ISM1: variants seen among roughly 807,000 people sequenced by gnomAD.
The protein encoded by ISM1 is isthmin 1.
ISM1 carries 25 observed loss-of-function variants against 46.3 expected under a neutral mutation model. That is an observed-to-expected ratio of 0.54 (90% CI 0.39 to 0.75). The LOEUF is 0.75. Ranked by LOEUF, ISM1 falls within the 30% of genes least tolerant of loss-of-function variation. The pLI is 0.00. For synonymous variants in ISM1, 255 were observed against 256.7 expected (o/e 0.99, Z 0.06); for missense variants, 536 against 625.4 (o/e 0.86, Z 1.52).
intron 1 of ISM1, chr20:13,237,950 G>C (rs2123155210): frequency 6.6e-6 from 1 of 152,280 alleles, no homozygotes; most frequent in Non-Finnish European, 1.5e-5. Flanking sequence ...AAGACCAACT[G>C]CTGGCTGAGA....
chr20:13,326,193 A>G, the ISM1 span, among the ~76,000 whole-genome samples: 1 of 152,124 alleles, frequency 6.6e-6, no homozygotes, highest in East Asian at 1.9e-4. Context: ...GATGCACCAG[A>G]GCTTGTTTAT....
intron 1 of ISM1, among the ~76,000 whole-genome samples, chr20:13,230,176 A>G (rs1040846512): frequency 3.3e-5 from 5 of 152,204 alleles, no homozygotes; most frequent in African/African-American, 1.2e-4. Context: ...AATAATCTCA[A>G]TAACATTTTC....
At chr20:13,260,683 A>T (rs1214352850) in intron 1 of ISM1, among the ~76,000 whole-genome samples, 1 of 152,064 alleles carries the variant, frequency 6.6e-6, no homozygotes, top group African/African-American at 2.4e-5. Context: ...AGGAAGTCAG[A>T]GCTGAATAGA....
chr20:13,253,291 G>A (rs1386005123), intron 1 of ISM1, among the ~76,000 whole-genome samples: 1 of 152,204 alleles, frequency 6.6e-6, no homozygotes, highest in Admixed American at 6.5e-5. Context: ...CCCAGAGGGT[G>A]AGGAGCTCTG....
chr20:13,279,128 T>C (rs1243345361), intron 2 of ISM1, among the ~76,000 whole-genome samples: 1 of 152,196 alleles, frequency 6.6e-6, no homozygotes, highest in Non-Finnish European at 1.5e-5. Context: ...GGGAGGTCTT[T>C]ACAAGAGTTA....
rs74768085 is a variant in ISM1, at chr20:13,237,204, T to C, written c.138+15290T>C. The stretch of plus-strand genomic sequence containing the variant: ...GATTTGAATGGGGACACAGCCAACA[T>C]ATCAACATGCCCTTGGCCCAGCAAT... On this transcript the variant is annotated intron_variant, in intron 1 of 5. Coordinates refer to ENST00000262487, the MANE Select transcript of ISM1 (RefSeq NM_080826.2). Among the ~76,000 whole-genome samples the C allele has an allele frequency of 6.7e-3, 1,026 of 152,298 alleles. 11 individuals are homozygous for C. Among genetic ancestry groups the C allele is most frequent in the African/African-American group, 0.023 (973 of 41,550 alleles).
chr20:13,325,221 A>G, the ISM1 span, among the ~76,000 whole-genome samples: 1 of 152,198 alleles, frequency 6.6e-6, no homozygotes, highest in African/African-American at 2.4e-5. Context: ...CGCATGTGGT[A>G]TCACAACTGA....
At chr20:13,325,445 G>T in the ISM1 span, among the ~76,000 whole-genome samples, 1 of 152,168 alleles carries the variant, frequency 6.6e-6, no homozygotes, top group Non-Finnish European at 1.5e-5. Flanking sequence ...CACACAGGCA[G>T]AAGAGAGTTG....
At chr20:13,293,207 CAAA>C (rs397865981) in intron 5 of ISM1, among the ~76,000 whole-genome samples, 7 of 87,442 alleles carry the variant, frequency 8.0e-5, no homozygotes, top group Admixed American at 2.6e-4. Flanking sequence ...GACTCCGTCT[CAAA>C]AAAAAAAAAA....
At chr20:13,238,267 G>C (rs758369556) in intron 1 of ISM1, among the ~76,000 whole-genome samples, 2 of 152,140 alleles carry the variant, frequency 1.3e-5, no homozygotes, top group African/African-American at 2.4e-5. Context: ...GGACTAATTT[G>C]AATTATATTT....
At chr20:13,231,658 C>A (rs569061672) in intron 1 of ISM1, among the ~76,000 whole-genome samples, 1 of 152,310 alleles carries the variant, frequency 6.6e-6, no homozygotes, top group East Asian at 1.9e-4. Flanking sequence ...GACTCATGCA[C>A]ATTTTAGTAA....
At chr20:13,265,751 A>T (rs1237918009) in intron 1 of ISM1, among the ~76,000 whole-genome samples, 1 of 152,170 alleles carries the variant, frequency 6.6e-6, no homozygotes, top group Non-Finnish European at 1.5e-5. Context: ...TTTCTGGGTC[A>T]TCACAACTCA....
the ISM1 span, among the ~76,000 whole-genome samples, chr20:13,306,307 A>G: frequency 6.6e-6 from 1 of 152,208 alleles, no homozygotes. Context: ...CACAAAGGTC[A>G]TAGCTAAATC....
chr20:13,256,009 G>T (rs1428100387), intron 1 of ISM1, among the ~76,000 whole-genome samples: 4 of 151,952 alleles, frequency 2.6e-5, no homozygotes, highest in African/African-American at 9.7e-5. Flanking sequence ...GATCCACCAG[G>T]CAGTGATACC....
chr20:13,296,466 T>C (rs1052581455), intron 5 of ISM1, among the ~76,000 whole-genome samples: 1 of 152,168 alleles, frequency 6.6e-6, no homozygotes, highest in African/African-American at 2.4e-5. Flanking sequence ...ATTATTGCAA[T>C]GGGATGAACG....
At chr20:13,259,217 G>A (rs2039960896) in intron 1 of ISM1, among the ~76,000 whole-genome samples, 1 of 151,114 alleles carries the variant, frequency 6.6e-6, no homozygotes, top group Non-Finnish European at 1.5e-5. Flanking sequence ...GGAGGCGGAG[G>A]TTGCAGTGAG....
At chr20:13,306,775 A>C in the ISM1 span, among the ~76,000 whole-genome samples, 94 of 152,230 alleles carry the variant, frequency 6.2e-4, no homozygotes, top group African/African-American at 2.1e-3. Context: ...GTCAGGACCC[A>C]GCAGAGACCA....
At chr20:13,249,411 G>A (rs2039839773) in intron 1 of ISM1, among the ~76,000 whole-genome samples, 1 of 152,140 alleles carries the variant, frequency 6.6e-6, no homozygotes, top group African/African-American at 2.4e-5. Flanking sequence ...GAACCCTTCC[G>A]TGCCCCAGGT....
intron 1 of ISM1, chr20:13,245,302 C>A (rs2039780066): frequency 6.6e-6 from 1 of 152,328 alleles, no homozygotes; most frequent in Middle Eastern, 3.4e-3. Flanking sequence ...CAGTTCCTTG[C>A]CATGTGGGCC....
Sources: allele counts gnomAD v4.1 joint callset (sites outside exome capture counted in the v4.1 genomes callset), GRCh38; gene constraint gnomAD v4.1.1; transcripts MANE v1.5; gene names NCBI Gene and HGNC (gene_info 2026-07-23, HGNC 2026-07-21).